Variants in IAH1 observed in about 807,000 individuals in gnomAD.
IAH1 encodes the protein isoamyl acetate-hydrolyzing esterase 1 homolog.
Under a neutral mutation model 26.7 loss-of-function variants are expected in IAH1, and 24 were observed. The observed-to-expected ratio is 0.90, with a 90% CI of 0.65 to 1.26. The LOEUF is 1.26. IAH1 is among the 50% of genes most tolerant of loss of function. IAH1 has a pLI of 0.00. For synonymous variants in IAH1, 140 were observed against 118.5 expected (o/e 1.18, Z -1.18); for missense variants, 300 against 299.9 (o/e 1.00, Z 0.00).
Position 9,474,837 on chromosome 2 carries a change from G to A in IAH1, c.81+190G>A. The A allele has an allele frequency of 1.9e-6, 1 of 531,290 alleles. No homozygotes were observed. The highest frequency in any genetic ancestry group is 2.9e-6 in the Non-Finnish European group (1 of 340,584). 32.9% of individuals were successfully genotyped at this position (531,290 alleles called of 1,614,324 possible). A position where few individuals can be genotyped will look rare whatever the true frequency, so the allele number is the denominator to read the frequency against. On this transcript the variant is annotated intron_variant, in intron 1 of 5. Transcript: ENST00000497473. This position sits in a 1 kb window ranked among gnomAD's most constrained non-coding sequence, Gnocchi z 4.3. ...GCGCCTTCCGGGCCCGCGGCGTCCC[G>A]GAGGTCACGACGGCGTCCGCGAGAG...
At chr2:9,504,494 C>T in the IAH1 span, among the ~76,000 whole-genome samples, 4 of 150,804 alleles carry the variant, frequency 2.7e-5, no homozygotes, top group African/African-American at 4.9e-5. Flanking sequence ...TTGCCAGGCA[C>T]GGTGCCTCAC....
At position 9,481,325 on chromosome 2, in the gene IAH1, C is replaced by T; in HGVS notation, c.323C>T (p.Ala108Val). The T allele has an allele frequency of 6.2e-7, 1 of 1,614,222 alleles. No individual in the cohort carries two copies. The highest frequency in any genetic ancestry group is 8.5e-7 in the Non-Finnish European group (1 of 1,180,036). ...PKQHIPLEEY[A>V]ANLKSMVQYL... ...CAGCACATTCCCCTGGAGGAGTACG[C>T]TGCGAACCTAAAGAGCATGGTGCAG... The change falls in exon 4 of 6, where the codon GCT (alanine) becomes GTT (valine). Residue 108 changes from alanine to valine, a missense_variant. By Grantham distance (64) the Ala-to-Val change is moderately conservative (BLOSUM62 0). Coordinates refer to ENST00000497473, the MANE Select transcript of IAH1 (RefSeq NM_001039613.3).
At chr2:9,495,711 CA>C (rs367778507) in intron 6 of IAH1, among the ~76,000 whole-genome samples, 54 of 140,388 alleles carry the variant, frequency 3.8e-4, no homozygotes, top group Admixed American at 6.4e-4. Flanking sequence ...GACTCCATCT[CA>C]AAAAAAAAAA....
At chr2:9,490,532 G>A (rs114255985), downstream of IAH1, 8,635 of 1,602,332 alleles carry the variant, frequency 5.4e-3, 27 homozygotes, top group Non-Finnish European at 6.7e-3. Flanking sequence ...CAAAGACATG[G>A]GTTCAATTGA....
At chr2:9,482,717 T>C (rs1661256322) in intron 4 of IAH1, among the ~76,000 whole-genome samples, 1 of 152,230 alleles carries the variant, frequency 6.6e-6, no homozygotes, top group Non-Finnish European at 1.5e-5. Flanking sequence ...TCAAAGGGCC[T>C]GTCATCCTTA....
At chr2:9,493,941 C>T (rs1291716233), downstream of IAH1, 2 of 769,136 alleles carry the variant, frequency 2.6e-6, no homozygotes, top group African/African-American at 1.8e-5. Flanking sequence ...AAACGTTTTC[C>T]CATCTTTGAC....
At chr2:9,506,146 C>T in the IAH1 span, among the ~76,000 whole-genome samples, 84 of 152,116 alleles carry the variant, frequency 5.5e-4, no homozygotes, top group African/African-American at 2.0e-3. Context: ...CTTCTTAGGT[C>T]GGGGTCTCCA....
At chr2:9,487,811 T>TGC (rs1661634803) in intron 5 of IAH1, among the ~76,000 whole-genome samples, 5 of 93,460 alleles carry the variant, frequency 5.3e-5, no homozygotes, top group East Asian at 2.0e-4. Flanking sequence ...TGTGTGTGTG[T>TGC]GTGTGTGTGT....
In IAH1 at chr2:9,489,157, T is replaced by TG. The variant is rs1553355030; in HGVS notation, c.*828_*829insG. 65 of 146,360 alleles carry TG rather than the reference T, an allele frequency of 4.4e-4. No individual in the cohort carries two copies. The highest frequency in any genetic ancestry group is 1.6e-3 in the African/African-American group (63 of 40,396). 9.1% of individuals were successfully genotyped at this position (146,360 alleles called of 1,614,324 possible). On this transcript the variant is annotated 3_prime_UTR_variant, in exon 6 of 6. Coordinates refer to ENST00000497473, the MANE Select transcript of IAH1 (RefSeq NM_001039613.3). ...ATCACATTCAAAACAACCTGTTTTTTTTGTTGTTGTTGTTGTTAAGAAATA... is the reference window on the plus strand; with the variant it reads ...ATCACATTCAAAACAACCTGTTTTTTGTTGTTGTTGTTGTTGTTAAGAAATA...
chr2:9,481,411 T>C lies in IAH1; in HGVS notation c.409T>C (p.Cys137Arg), dbSNP rs1189706740. 8 of 1,614,146 alleles carry C rather than the reference T, an allele frequency of 5.0e-6. No individual in the cohort carries two copies. In the African/African-American group the frequency reaches 8.0e-5, roughly 16 times the overall value. Residue 137 changes from cysteine to arginine, a missense_variant, in exon 4 of 6, where the codon TGT becomes CGT. Physicochemically the swap from Cys to Arg is radical, Grantham distance 180. Transcript: ENST00000497473. ...CATTCTCATCACGCCGACCCCACTT[T>C]GTGAAACAGCCTGGGAAGAACAGTG... ...RVILITPTPL[C>R]ETAWEEQCII...
In IAH1 at chr2:9,488,577, A is replaced by G. The variant is rs1435594289; in HGVS notation, c.*248A>G. The G allele has an allele frequency of 6.1e-6, 2 of 328,018 alleles. No homozygotes were observed. The highest frequency in any genetic ancestry group is 1.1e-5 in the Non-Finnish European group (2 of 183,256). The allele number at this position is 328,018 out of a possible 1,614,324, so 20.3% of individuals were successfully genotyped here. On this transcript the variant is annotated 3_prime_UTR_variant, in exon 6 of 6. Coordinates refer to ENST00000497473, the MANE Select transcript of IAH1 (RefSeq NM_001039613.3). The stretch of plus-strand genomic sequence containing the variant: ...CTTGTTAATTCTATAAATGACAAAG[A>G]CTATGTTTTTAAAAAGTCACAATTT...
At chr2:9,498,698 T>TCAA (rs1333268801), downstream of IAH1, among the ~76,000 whole-genome samples, 1 of 152,210 alleles carries the variant, frequency 6.6e-6, no homozygotes, top group African/African-American at 2.4e-5. Context: ...ATTCATCATG[T>TCAA]CAACAGTCAT....
At chr2:9,501,447 C>G (rs898197915), downstream of IAH1, among the ~76,000 whole-genome samples, 1 of 152,126 alleles carries the variant, frequency 6.6e-6, no homozygotes. Context: ...GAGAAACACA[C>G]AGGTTCCTGA....
chr2:9,475,898 G>C (rs966588964), intron 1 of IAH1, 89 bp from the exon 2 acceptor site: 2 of 1,123,882 alleles, frequency 1.8e-6, no homozygotes, highest in Non-Finnish European at 1.3e-6. Flanking sequence ...AGGGAGCGCC[G>C]AGAAAACAGA....
downstream of IAH1, among the ~76,000 whole-genome samples, chr2:9,491,404 CTA>C (rs1662136992): frequency 6.6e-6 from 1 of 152,144 alleles, no homozygotes. Flanking sequence ...GGTTTAAGTG[CTA>C]TGTTTTCTGA....
At chr2:9,484,045 C>T (rs1661336369) in intron 4 of IAH1, among the ~76,000 whole-genome samples, 1 of 152,226 alleles carries the variant, frequency 6.6e-6, no homozygotes, top group African/African-American at 2.4e-5. Context: ...GCTTCCATGG[C>T]CTGGCATTTC....
In IAH1 at chr2:9,488,321, G is replaced by A; in HGVS notation, c.739G>A (p.Asp247Asn). ...TGAATTAAGTCTGCTGGGAGATGGA[G>A]ACCATTAGCCAATCACAGGAGACCC... ...KPELSLLGDG[D>N]H Residue 247 changes from aspartate (D) to asparagine (N), a missense_variant, in exon 6 of 6, where the codon GAC becomes AAC. Asp to Asn is a conservative substitution (Grantham distance 23). Coordinates refer to ENST00000497473, the MANE Select transcript of IAH1 (RefSeq NM_001039613.3). 6.2e-7 allele frequency: 1 copy of A among 1,604,158 alleles called. No homozygotes were observed. Among genetic ancestry groups the A allele is most frequent in the Middle Eastern group, 1.7e-4 (1 of 6,010 alleles).
intron 2 of IAH1, among the ~76,000 whole-genome samples, chr2:9,476,433 A>G (rs1203208619): frequency 6.6e-6 from 1 of 152,154 alleles, no homozygotes; most frequent in African/African-American, 2.4e-5. Context: ...TCACAATTCT[A>G]CCGCACTTTG....
At chr2:9,494,840 C>T (rs921950321) in exon 6 of IAH1, 9 of 1,562,648 alleles carry the variant, frequency 5.8e-6, no homozygotes, top group African/African-American at 4.1e-5. Context: ...CTCTTTCCTC[C>T]CTGACCATGC....
Sources: allele counts gnomAD v4.1 joint callset (sites outside exome capture counted in the v4.1 genomes callset), GRCh38; gene constraint gnomAD v4.1.1; non-coding constraint Gnocchi (gnomAD v3.1); transcripts MANE v1.5; gene names NCBI Gene and HGNC (gene_info 2026-07-23, HGNC 2026-07-21).